Variants in ODF1 observed in about 807,000 individuals in gnomAD.
ODF1 encodes outer dense fiber of sperm tails 1.
ODF1 carries 10 observed loss-of-function variants against 24.0 expected under a neutral mutation model. The observed-to-expected ratio is 0.42, with a 90% confidence interval of 0.26 to 0.71. The LOEUF is 0.71. ODF1 is among the 30% of genes least tolerant of loss of function. ODF1 has a pLI of 0.28. For missense variants in ODF1, 282 were observed against 307.9 expected (o/e 0.92, Z 0.63); for synonymous variants, 118 against 121.3 (o/e 0.97, Z 0.18).
chr8:102,558,178 G>A (rs747781417), intron 1 of ODF1, among the ~76,000 whole-genome samples: 30 of 152,324 alleles, frequency 2.0e-4, no homozygotes, highest in East Asian at 5.8e-4. Flanking sequence ...GAGGCCGGGC[G>A]CGGTGGCTCA....
At chr8:102,558,745 T>TAC (rs58708188) in intron 1 of ODF1, among the ~76,000 whole-genome samples, 3,492 of 144,780 alleles carry the variant, frequency 0.024, 178 homozygotes, top group African/African-American at 0.068. Context: ...TATATAGAAC[T>TAC]ACACACACAC....
Position 102,552,038 on chromosome 8 carries a change from A to C in ODF1, c.311A>C (p.Glu104Ala), listed in dbSNP as rs550538483. The C allele has an allele frequency of 1.3e-6, 2 of 1,577,438 alleles. No individual in the cohort carries two copies. The highest frequency in any genetic ancestry group is 1.4e-5 in the African/African-American group (1 of 73,524). ...AIRAIEDEKR[E>A]LAKLRRTTNR... ...AGAGCCATAGAAGATGAGAAGCGAG[A>C]GCTTGCCAAGTAAAATAACTTATTT... The change falls in exon 1 of 2, where the codon GAG becomes GCG. Residue 104 changes from glutamate (E) to alanine (A), a missense_variant. Glu to Ala is a moderately radical substitution (Grantham distance 107). Transcript: ENST00000285402.
chr8:102,552,534 G>C (rs1826055033), intron 1 of ODF1, among the ~76,000 whole-genome samples: 1 of 152,044 alleles, frequency 6.6e-6, no homozygotes, highest in African/African-American at 2.4e-5. Flanking sequence ...GGTTTTGTGG[G>C]AATATCATTC....
rs1278721793 is a variant in ODF1 at position 102,551,607 on chromosome 8, T to G, written c.-121T>G. The G allele has an allele frequency of 1.4e-6, 1 of 715,224 alleles. No individual in the cohort carries two copies. The highest frequency in any genetic ancestry group is 2.3e-6 in the Non-Finnish European group (1 of 436,282). The allele number at this position is 715,224 out of a possible 1,614,324, so 44.3% of individuals were successfully genotyped here. On this transcript the variant is annotated 5_prime_UTR_variant, in exon 1 of 2. Coordinates refer to ENST00000285402, the MANE Select transcript of ODF1 (RefSeq NM_024410.4). ...AGGTCATAGAACACAAGCTTTAAAG[T>G]AAGTGAATCATGTGTGCCTCATTTA...
chr8:102,557,108 G>A (rs913536316), intron 1 of ODF1, among the ~76,000 whole-genome samples: 3 of 152,120 alleles, frequency 2.0e-5, no homozygotes, highest in African/African-American at 7.2e-5. Flanking sequence ...GCAGACACAG[G>A]CACTGGCTGT....
At chr8:102,560,354 C>A in intron 1 of ODF1, 98 bp from the exon 2 acceptor site, 2 of 1,156,428 alleles carry the variant, frequency 1.7e-6, no homozygotes, top group Non-Finnish European at 2.5e-6. Context: ...TTAACTTTGG[C>A]TATTTCAAAA....
Position 102,551,769 on chromosome 8 carries a change from C to T in ODF1, c.42C>T (p.Asp14=). The change falls in exon 1 of 2, where the codon GAC becomes GAT. Residue 14 remains aspartate (D), a synonymous_variant. Transcript: ENST00000285402. The stretch of plus-strand genomic sequence containing the variant: ...GTCTCTTGGACAGTGTCAGAAGGGA[C>T]ATAAAGAAGGTGGACAGAGAACTAA... ...LSCLLDSVRR[D]IKKVDRELRQ... 1 of 1,612,824 alleles carries T rather than the reference C, an allele frequency of 6.2e-7. No homozygotes were observed. Among genetic ancestry groups the T allele is most frequent in the Non-Finnish European group, 8.5e-7 (1 of 1,179,192 alleles).
intron 1 of ODF1, among the ~76,000 whole-genome samples, chr8:102,558,318 G>T (rs1826137125): frequency 1.3e-5 from 2 of 152,208 alleles, no homozygotes; most frequent in Non-Finnish European, 2.9e-5. Flanking sequence ...GCCGAGCATG[G>T]TGGCGGGCAC....
intron 1 of ODF1, 26 bp from the exon 2 acceptor site, chr8:102,560,426 C>T: frequency 6.2e-7 from 1 of 1,604,544 alleles, no homozygotes. Flanking sequence ...AGCTCCCTCC[C>T]ACCCTATCCC....
rs3808357 is a variant in ODF1 at position 102,551,679 on chromosome 8, G to C, written c.-49G>C. Reference sequence around the variant, plus strand: ...AAGGGCTTAGAACAAATTTTTTCCCGGAGTGCCATTTCCCAAAGGTACTCA... The same window carrying C: ...AAGGGCTTAGAACAAATTTTTTCCCCGAGTGCCATTTCCCAAAGGTACTCA... On this transcript the variant is annotated 5_prime_UTR_variant, in exon 1 of 2. Coordinates refer to ENST00000285402, the MANE Select transcript of ODF1 (RefSeq NM_024410.4). 2 of 1,474,490 alleles carry C rather than the reference G, an allele frequency of 1.4e-6. No homozygotes were observed. The highest frequency in any genetic ancestry group is 2.8e-5 in the South Asian group (2 of 71,838). 91.3% of individuals were successfully genotyped at this position (1,474,490 alleles called of 1,614,324 possible).
intron 1 of ODF1, among the ~76,000 whole-genome samples, chr8:102,555,697 A>G (rs1244288985): frequency 6.6e-6 from 1 of 152,170 alleles, no homozygotes; most frequent in Non-Finnish European, 1.5e-5. Context: ...CTCAGAGAAA[A>G]CATTCTAGTC....
chr8:102,553,705 C>T (rs1289813984), intron 1 of ODF1, among the ~76,000 whole-genome samples: 2 of 152,190 alleles, frequency 1.3e-5, no homozygotes, highest in Admixed American at 1.3e-4. Flanking sequence ...CAGACTCTAC[C>T]AATTAAAATC....
intron 1 of ODF1, among the ~76,000 whole-genome samples, chr8:102,559,232 G>A (rs1417401007): frequency 6.6e-6 from 1 of 151,314 alleles, no homozygotes; most frequent in Non-Finnish European, 1.5e-5. Context: ...ACATGTTAGA[G>A]CCAAGCTTTA....
rs185660947 is a variant in ODF1 at position 102,554,054 on chromosome 8, A to G, written c.320+2007A>G. On this transcript the variant is annotated intron_variant, in intron 1 of 1. Transcript: ENST00000285402. ...GAAATTTCTATGCTCTATTTCTGAC[A>G]ACTTGACATTTCACTCTCCAGAAGG... is the stretch of plus-strand genomic sequence containing the variant. Among the ~76,000 whole-genome samples the G allele has an allele frequency of 7.2e-5, 11 of 152,320 alleles. No individual in the cohort carries two copies. The East Asian group carries it at 2.1e-3, about 29-fold the overall frequency.
chr8:102,554,349 C>T (rs150337665), intron 1 of ODF1, among the ~76,000 whole-genome samples: 4 of 152,322 alleles, frequency 2.6e-5, no homozygotes, highest in East Asian at 1.9e-4. Context: ...ACATGACCTT[C>T]CTCCCCTTTA....
chr8:102,556,535 C>T (rs1330113112), intron 1 of ODF1, among the ~76,000 whole-genome samples: 3 of 150,782 alleles, frequency 2.0e-5, no homozygotes, highest in Admixed American at 2.0e-4. Context: ...GCAACTTCTG[C>T]CTCCTGGGTT....
intron 1 of ODF1, among the ~76,000 whole-genome samples, chr8:102,553,204 TACAAA>T (rs1265736273): frequency 7.6e-5 from 5 of 65,658 alleles, no homozygotes; most frequent in South Asian, 4.3e-4. Context: ...CTCTACTAAA[TACAAA>T]AAAAAAAAAA....
chr8:102,560,939 T>A lies in ODF1; in HGVS notation c.*55T>A. The A allele has an allele frequency of 6.7e-7, 1 of 1,487,852 alleles. No individual in the cohort carries two copies. 92.2% of individuals were successfully genotyped at this position (1,487,852 alleles called of 1,614,324 possible). A position where few individuals can be genotyped will look rare whatever the true frequency, so the allele number is the denominator to read the frequency against. On this transcript the variant is annotated 3_prime_UTR_variant, in exon 2 of 2. Coordinates refer to ENST00000285402, the MANE Select transcript of ODF1 (RefSeq NM_024410.4). ...AAGTCAGTTACTCCAGCCAGGCAGCTCTCCCAATGTTTCTCCTCTCCTTCC... is the reference window on the plus strand; with the variant it reads ...AAGTCAGTTACTCCAGCCAGGCAGCACTCCCAATGTTTCTCCTCTCCTTCC...
At position 102,551,703 on chromosome 8, in the gene ODF1, C is replaced by T. The variant is rs2131027293; in HGVS notation, c.-25C>T. The T allele has an allele frequency of 6.5e-7, 1 of 1,537,930 alleles. No homozygotes were observed. Among genetic ancestry groups the T allele is most frequent in the East Asian group, 2.3e-5 (1 of 43,654 alleles). On this transcript the variant is annotated 5_prime_UTR_variant, in exon 1 of 2. Transcript: ENST00000285402. ...CGGAGTGCCATTTCCCAAAGGTACT[C>T]ACAGAACAATCAGGTGTGACCATAA...
Sources: allele counts gnomAD v4.1 joint callset (sites outside exome capture counted in the v4.1 genomes callset), GRCh38; gene constraint gnomAD v4.1.1; transcripts MANE v1.5; gene names NCBI Gene and HGNC (gene_info 2026-07-23, HGNC 2026-07-21).